N4BP2: variants seen among roughly 807,000 people sequenced by gnomAD.
N4BP2 encodes NEDD4 binding protein 2.
In N4BP2, 91 loss-of-function variants were observed where a neutral mutation model predicts 152.8. The observed-to-expected ratio is 0.60, with a 90% CI of 0.50 to 0.71. The LOEUF (loss-of-function observed/expected upper bound fraction) is 0.71, where lower values mean the gene tolerates loss of function less well. Among genes scored for constraint, N4BP2 ranks in the 30% least tolerant of loss-of-function variants. N4BP2 has a pLI of 0.00. For synonymous variants in N4BP2, 646 were observed against 705.3 expected, an observed-to-expected ratio of 0.92 and a Z score of 1.33; for missense variants, 1,923 against 2,059.1, an observed-to-expected ratio of 0.93 and a Z score of 1.28.
intron 2 of N4BP2, among the ~76,000 whole-genome samples, chr4:40,077,147 G>A (rs1205313664): frequency 6.6e-6 from 1 of 151,810 alleles, no homozygotes; most frequent in Non-Finnish European, 1.5e-5. Flanking sequence ...ATATATATGT[G>A]TGTGTGTGTG....
intron 2 of N4BP2, among the ~76,000 whole-genome samples, chr4:40,090,621 T>A (rs1044822520): frequency 6.6e-6 from 1 of 152,132 alleles, no homozygotes; most frequent in Non-Finnish European, 1.5e-5. Context: ...AAATTGGTTA[T>A]GTATTGTCTT....
At chr4:40,105,593 A>G (rs1040652225) in intron 4 of N4BP2, among the ~76,000 whole-genome samples, 1 of 149,810 alleles carries the variant, frequency 6.7e-6, no homozygotes, top group South Asian at 2.1e-4. Flanking sequence ...TTTGTCACCC[A>G]GGCTGGAGTG....
At chr4:40,149,900 A>G (rs1318174623) in intron 16 of N4BP2, among the ~76,000 whole-genome samples, 1 of 147,216 alleles carries the variant, frequency 6.8e-6, no homozygotes, top group Non-Finnish European at 1.5e-5. Flanking sequence ...CCATCTCAAA[A>G]AGAAAAAAAA....
At chr4:40,140,264 C>T (rs1719796554) in intron 14 of N4BP2, among the ~76,000 whole-genome samples, 1 of 152,134 alleles carries the variant, frequency 6.6e-6, no homozygotes, top group African/African-American at 2.4e-5. Flanking sequence ...GTTAGTGCTA[C>T]CACTGATGCC....
At chr4:40,063,250 A>G (rs1733798178) in intron 1 of N4BP2, among the ~76,000 whole-genome samples, 1 of 152,238 alleles carries the variant, frequency 6.6e-6, no homozygotes, top group East Asian at 1.9e-4. Context: ...ATTGGTTCAT[A>G]TGACCATATA....
chr4:40,063,773 A>G (rs1733833811), intron 1 of N4BP2, among the ~76,000 whole-genome samples: 1 of 151,760 alleles, frequency 6.6e-6, no homozygotes, highest in South Asian at 2.1e-4. Context: ...CCTCCCGAGT[A>G]GCTGGGATTA....
chr4:40,175,818 A>AC, the N4BP2 span, among the ~76,000 whole-genome samples: 4 of 150,238 alleles, frequency 2.7e-5, no homozygotes, highest in Non-Finnish European at 4.4e-5. Flanking sequence ...AAAAAAAAAA[A>AC]AAAAAAAAAG....
At chr4:40,107,469 T>C (rs1716418995) in intron 5 of N4BP2, among the ~76,000 whole-genome samples, 1 of 151,972 alleles carries the variant, frequency 6.6e-6, no homozygotes, top group African/African-American at 2.4e-5. Flanking sequence ...CTGCAACCTC[T>C]GCCTCCTGGG....
At chr4:40,091,602 CTTTTTTTTT>C (rs35142277) in intron 2 of N4BP2, among the ~76,000 whole-genome samples, 1 of 80,470 alleles carries the variant, frequency 1.2e-5, no homozygotes, top group Non-Finnish European at 2.4e-5. Context: ...GTATACAATC[CTTTTTTTTT>C]TTTTTTTTTT....
chr4:40,121,308 T>A lies in N4BP2; in HGVS notation c.3197T>A (p.Ile1066Asn). 1.2e-6 allele frequency: 2 copies of A among 1,613,938 alleles called. No individual in the cohort carries two copies. Among genetic ancestry groups the A allele is most frequent in the South Asian group, 2.2e-5 (2 of 91,060 alleles). ...ACAAAATCAGACGTTCAAGAAGCAA[T>A]TCCATATAGAGTAATGTATGATAAA... Reference protein sequence around the residue: ...INTKSDVQEAIPYRVMYDKST... With the variant: ...INTKSDVQEANPYRVMYDKST... Residue 1066 changes from isoleucine to asparagine, a missense_variant, in exon 9 of 18, where the codon ATT becomes AAT. Transcript: ENST00000261435.
chr4:40,144,785 GAGA>G lies in N4BP2; in HGVS notation c.5135_5137del (p.Lys1712del), dbSNP rs1720356796. ...TCTAGAACATTTGATGAGAGTTTTA[GAGA>G]AGAAGACTGAAGGTAGGACTGTGGT... On this transcript the variant is annotated inframe_deletion, in exon 16 of 18. Transcript: ENST00000261435. 2.5e-6 allele frequency: 4 copies of G among 1,611,234 alleles called. No homozygotes were observed. The highest frequency in any genetic ancestry group is 3.4e-6 in the Non-Finnish European group (4 of 1,178,804).
intron 4 of N4BP2, among the ~76,000 whole-genome samples, chr4:40,105,287 T>C (rs1284585904): frequency 6.6e-6 from 1 of 151,806 alleles, no homozygotes; most frequent in Non-Finnish European, 1.5e-5. Context: ...GGAGAGAAGT[T>C]GGGTAGTAGT....
At chr4:40,173,743 G>C in the N4BP2 span, among the ~76,000 whole-genome samples, 1 of 152,128 alleles carries the variant, frequency 6.6e-6, no homozygotes, top group South Asian at 2.1e-4. Context: ...AGCCTGGGCC[G>C]AACTCTTGTT....
chr4:40,133,976 T>C (rs754252457), intron 13 of N4BP2, among the ~76,000 whole-genome samples: 10 of 152,006 alleles, frequency 6.6e-5, no homozygotes, highest in Non-Finnish European at 1.5e-4. Context: ...TGGCTAGTTT[T>C]TGTATATTTT....
chr4:40,139,531 G>A (rs974399367), intron 14 of N4BP2, among the ~76,000 whole-genome samples: 7 of 136,296 alleles, frequency 5.1e-5, no homozygotes, highest in African/African-American at 1.4e-4. Context: ...TCACTCTGTC[G>A]CCCAGGCTGG....
intron 3 of N4BP2, among the ~76,000 whole-genome samples, chr4:40,100,831 A>G (rs1235062017): frequency 3.3e-5 from 5 of 152,236 alleles, no homozygotes; most frequent in Non-Finnish European, 7.3e-5. Context: ...TAGGAATAAT[A>G]TACCTCATGG....
At chr4:40,076,682 G>A (rs1712773209) in intron 2 of N4BP2, among the ~76,000 whole-genome samples, 1 of 152,064 alleles carries the variant, frequency 6.6e-6, no homozygotes, top group Non-Finnish European at 1.5e-5. Flanking sequence ...TAGAGACAGG[G>A]TTTCACCATG....
chr4:40,131,906 T>TA lies in N4BP2; in HGVS notation c.4633_4634insA (p.Phe1545TyrfsTer16). On this transcript the variant is annotated frameshift_variant, in exon 13 of 18. Transcript: ENST00000261435. LOFTEE classifies it high-confidence loss of function. Reference sequence around the variant, plus strand: ...TAACCAAAATTTTCTGGTGGACATTTTCAAGGACCACAAGTGAGTGCTAGA... The same window carrying TA: ...TAACCAAAATTTTCTGGTGGACATTTATCAAGGACCACAAGTGAGTGCTAGA... 1 of 1,597,354 alleles carries TA rather than the reference T, an allele frequency of 6.3e-7. No individual in the cohort carries two copies. Among genetic ancestry groups the TA allele is most frequent in the East Asian group, 2.2e-5 (1 of 44,722 alleles).
intron 14 of N4BP2, among the ~76,000 whole-genome samples, chr4:40,141,586 G>A (rs1719973789): frequency 1.3e-5 from 2 of 151,128 alleles, no homozygotes; most frequent in South Asian, 2.1e-4. Context: ...GGGCAGAGAC[G>A]CTCCTCACTT....
Sources: gnomAD v4.1 joint callset for allele counts (sites outside exome capture counted in the v4.1 genomes callset) on GRCh38, gnomAD v4.1.1 for gene constraint, MANE v1.5 for transcripts, NCBI Gene and HGNC (gene_info 2026-07-23, HGNC 2026-07-21) for gene names.